The following TDRD6 variants were observed in gnomAD, a reference collection of about 807,000 sequenced individuals.
The protein encoded by TDRD6 is tudor domain containing 6.
TDRD6 carries 186 observed loss-of-function variants against 157.5 expected under a neutral mutation model. That is an observed-to-expected ratio of 1.18 (90% CI 1.05 to 1.33). TDRD6 has a LOEUF of 1.33. TDRD6 is among the 40% of genes most tolerant of loss of function. TDRD6 has a pLI of 0.00. For synonymous variants in TDRD6, 1,075 were observed against 945.2 expected (o/e 1.14, Z -2.52); for missense variants, 3,066 against 2,508.0 (o/e 1.22, Z -4.75).
In TDRD6 at chr6:46,698,057, C is replaced by A; in HGVS notation, c.6231C>A (p.Gly2077=). The A allele has an allele frequency of 6.2e-7, 1 of 1,610,116 alleles. No individual in the cohort carries two copies. Among genetic ancestry groups the A allele is most frequent in the Non-Finnish European group, 8.5e-7 (1 of 1,177,350 alleles). The change falls in exon 3 of 4, where the codon GGC becomes GGA. Residue 2077 remains glycine (G), a synonymous_variant. Transcript: ENST00000316081. ...TGAACCCTGAGAATGTCTGGAATGG[C>A]ATACCCAAATTGGATAAGAGTCCAC... ...EIVNPENVWN[G]IPKLDKSPPE...
Position 46,693,871 on chromosome 6 carries a change from C to T in TDRD6, c.5743C>T (p.Pro1915Ser). 1 of 1,614,200 alleles carries T rather than the reference C, an allele frequency of 6.2e-7. No homozygotes were observed. Among genetic ancestry groups the T allele is most frequent in the Non-Finnish European group, 8.5e-7 (1 of 1,180,032 alleles). Reference protein sequence around the residue: ...PELELPTAQLPLDDKMDPLSL... With the variant: ...PELELPTAQLSLDDKMDPLSL... ...ACTAGAACTACCTACAGCCCAGCTG[C>T]CTTTAGATGACAAGATGGATCCTTT... Residue 1915 changes from proline to serine, a missense_variant, in exon 1 of 4, where the codon CCT (proline) becomes TCT (serine). Physicochemically the swap from Pro to Ser is moderately conservative, Grantham distance 74. Transcript: ENST00000316081.
rs772857539 is a variant in TDRD6, at chr6:46,691,522, G to A, written c.3394G>A (p.Asp1132Asn). Residue 1132 changes from aspartate to asparagine, a missense_variant, in exon 1 of 4, where the codon GAT (aspartate) becomes AAT (asparagine). Transcript: ENST00000316081. Reference protein sequence around the residue: ...KSLKALVVAKDPDGTLIIELY... With the variant: ...KSLKALVVAKNPDGTLIIELY... ...ATTGAAGGCTTTAGTTGTAGCAAAA[G>A]ATCCAGATGGAACACTGATTATAGA... is the stretch of plus-strand genomic sequence containing the variant. The A allele has an allele frequency of 5.6e-6, 9 of 1,613,898 alleles. No homozygotes were observed. The South Asian group carries it at 8.8e-5, about 16-fold the overall frequency.
intron 2 of TDRD6, among the ~76,000 whole-genome samples, chr6:46,696,611 T>A (rs1462619693): frequency 4.6e-5 from 3 of 65,560 alleles, no homozygotes; most frequent in Non-Finnish European, 8.8e-5. Context: ...ATTTTTTTTT[T>A]TTTTTTTTTT....
chr6:46,682,925 A>T (rs906166588), upstream of TDRD6, among the ~76,000 whole-genome samples: 1 of 152,060 alleles, frequency 6.6e-6, no homozygotes, highest in East Asian at 1.9e-4. Context: ...CTACAAAGCA[A>T]TTCTAATAAA....
Position 46,688,888 on chromosome 6 carries a change from G to T in TDRD6, c.760G>T (p.Val254Leu), listed in dbSNP as rs772236177. ...GCTGCAGCTGGGCGTGACGGAGGCC[G>T]TGGTCATAACCCAAGTGTGCCATCC... The part of the protein sequence containing the change: ...PQLQLGVTEA[V>L]VITQVCHPHR... Residue 254 changes from valine (V) to leucine (L), a missense_variant, in exon 1 of 4, where the codon GTG becomes TTG. Coordinates refer to ENST00000316081, the MANE Select transcript of TDRD6 (RefSeq NM_001010870.3). 3 of 1,605,996 alleles carry T rather than the reference G, an allele frequency of 1.9e-6. No individual in the cohort carries two copies. The highest frequency in any genetic ancestry group is 2.6e-6 in the Non-Finnish European group (3 of 1,174,654).
In TDRD6 at chr6:46,687,905, G is replaced by C. The variant is rs544918982; in HGVS notation, c.-224G>C. The C allele has an allele frequency of 1.8e-5, 11 of 595,498 alleles. No individual in the cohort carries two copies. The highest frequency in any genetic ancestry group is 9.5e-4 in the Middle Eastern group (2 of 2,104). 36.9% of individuals were successfully genotyped at this position (595,498 alleles called of 1,614,324 possible). On this transcript the variant is annotated 5_prime_UTR_variant, in exon 1 of 4. Coordinates refer to ENST00000316081, the MANE Select transcript of TDRD6 (RefSeq NM_001010870.3). ...AATGCGTGCCCGGAAGCGCGACCTC[G>C]GGCGGTTGGAGGGGCTACCGGGTCT...
chr6:46,701,845 CTTT>C lies in TDRD6; in HGVS notation c.6262-10_6262-8del. On this transcript the variant is annotated splice_polypyrimidine_tract_variant and intron_variant, in intron 3 of 3. Coordinates refer to ENST00000316081, the MANE Select transcript of TDRD6 (RefSeq NM_001010870.3). ...TTCTTTCTCAGTTTGAAGTTTTTCT[CTTT>C]TTGTTTCAGAAAAGGGGTTTGGAGG... The C allele has an allele frequency of 1.2e-6, 2 of 1,612,280 alleles. No homozygotes were observed. Among genetic ancestry groups the C allele is most frequent in the Non-Finnish European group, 1.7e-6 (2 of 1,178,784 alleles).
At chr6:46,681,706 A>T in the TDRD6 span, 3 of 398,998 alleles carry the variant, frequency 7.5e-6, no homozygotes, top group Non-Finnish European at 1.6e-5. Flanking sequence ...ATTGCTTGTT[A>T]TCACGGGTTT....
In TDRD6 at chr6:46,690,973, C is replaced by G. The variant is rs1272199753; in HGVS notation, c.2845C>G (p.His949Asp). The change falls in exon 1 of 4, where the codon CAT (histidine) becomes GAT (aspartate). Residue 949 changes from histidine to aspartate, a missense_variant. Coordinates refer to ENST00000316081, the MANE Select transcript of TDRD6 (RefSeq NM_001010870.3). ...DLLTPFQSACHFLVEKRLARP... is the reference protein window; with the variant it reads ...DLLTPFQSACDFLVEKRLARP... The stretch of plus-strand genomic sequence containing the variant: ...GCTAACCCCCTTTCAGAGTGCATGC[C>G]ATTTCTTGGTAGAAAAGAGACTTGC... 1 of 1,614,092 alleles carries G rather than the reference C, an allele frequency of 6.2e-7. No individual in the cohort carries two copies. Among genetic ancestry groups the G allele is most frequent in the Admixed American group, 1.7e-5 (1 of 60,012 alleles).
In TDRD6 at chr6:46,702,568, T is replaced by C. The variant is rs1365378431; in HGVS notation, c.*681T>C. Reference sequence around the variant, plus strand: ...TGTATTAGTCACTTAGCTTATACTTTAAATGCATTTTTTCACTTTATTCAT... The same window carrying C: ...TGTATTAGTCACTTAGCTTATACTTCAAATGCATTTTTTCACTTTATTCAT... On this transcript the variant is annotated 3_prime_UTR_variant, in exon 4 of 4. Transcript: ENST00000316081. The C allele has an allele frequency of 6.6e-6, 1 of 152,168 alleles. No homozygotes were observed. Among genetic ancestry groups the C allele is most frequent in the Non-Finnish European group, 1.5e-5 (1 of 68,008 alleles). 9.4% of individuals were successfully genotyped at this position (152,168 alleles called of 1,614,324 possible).
At position 46,691,875 on chromosome 6, in the gene TDRD6, A is replaced by G. The variant is rs771205127; in HGVS notation, c.3747A>G (p.Gln1249=). Residue 1249 remains glutamine, a synonymous_variant, in exon 1 of 4, where the codon CAA becomes CAG. Coordinates refer to ENST00000316081, the MANE Select transcript of TDRD6 (RefSeq NM_001010870.3). ...ACTCTGTGGGAAATAAAAATAGTCA[A>G]GTGTTTCCATTAACAACAGAAAAGA... The part of the protein sequence containing the change: ...YQDSVGNKNS[Q]VFPLTTEKKE... The G allele has an allele frequency of 3.8e-6, 6 of 1,593,938 alleles. No homozygotes were observed. Among genetic ancestry groups the G allele is most frequent in the Non-Finnish European group, 5.1e-6 (6 of 1,175,008 alleles).
Position 46,691,081 on chromosome 6 carries a change from G to A in TDRD6, c.2953G>A (p.Gly985Arg). The change falls in exon 1 of 4, where the codon GGA (glycine) becomes AGA (arginine). Residue 985 changes from glycine to arginine, a missense_variant. Transcript: ENST00000316081. ...YFYSTHDMKIGSEELVYITHI... is the reference protein window; with the variant it reads ...YFYSTHDMKIRSEELVYITHI... ...CTATTCTACACATGATATGAAAATT[G>A]GAAGTGAAGAATTAGTTTATATAAC... 1 of 1,613,784 alleles carries A rather than the reference G, an allele frequency of 6.2e-7. No homozygotes were observed. Among genetic ancestry groups the A allele is most frequent in the Non-Finnish European group, 8.5e-7 (1 of 1,179,874 alleles).
Position 46,697,636 on chromosome 6 carries a change from C to T in TDRD6, c.6172-362C>T, listed in dbSNP as rs556926845. On this transcript the variant is annotated intron_variant, in intron 2 of 3. Coordinates refer to ENST00000316081, the MANE Select transcript of TDRD6 (RefSeq NM_001010870.3). The stretch of plus-strand genomic sequence containing the variant: ...GTGCAGTGGCTTATGCCTGTAATCC[C>T]AGCACTTTGGGAGGCCAAGGCAGGT... Among the ~76,000 whole-genome samples the T allele has an allele frequency of 5.3e-5, 8 of 151,746 alleles. No individual in the cohort carries two copies. The South Asian group carries it at 1.7e-3, about 32-fold the overall frequency.
In TDRD6 at chr6:46,689,870, A is replaced by C. The variant is rs748479675; in HGVS notation, c.1742A>C (p.Tyr581Ser). Residue 581 changes from tyrosine to serine, a missense_variant, in exon 1 of 4, where the codon TAT becomes TCT. By Grantham distance (144) the Tyr-to-Ser change is moderately radical (BLOSUM62 -2). Coordinates refer to ENST00000316081, the MANE Select transcript of TDRD6 (RefSeq NM_001010870.3). Reference sequence around the variant, plus strand: ...GGCAATTCGGAAAATGTGGACTGGTATGACGTAAGGATGCTGCTTCCTCAG... The same window carrying C: ...GGCAATTCGGAAAATGTGGACTGGTCTGACGTAAGGATGCTGCTTCCTCAG... ...DRGNSENVDW[Y>S]DVRMLLPQFR... 2.5e-6 allele frequency: 4 copies of C among 1,614,088 alleles called. No homozygotes were observed. Among genetic ancestry groups the C allele is most frequent in the Non-Finnish European group, 3.4e-6 (4 of 1,180,052 alleles).
Position 46,689,921 on chromosome 6 carries a change from T to C in TDRD6, c.1793T>C (p.Val598Ala). The C allele has an allele frequency of 1.2e-6, 2 of 1,614,182 alleles. No homozygotes were observed. Among genetic ancestry groups the C allele is most frequent in the Non-Finnish European group, 1.7e-6 (2 of 1,180,030 alleles). The part of the protein sequence containing the change: ...PQFRQLPILA[V>A]KCTLADIWPL... ...TTTAGGCAGCTACCAATATTGGCTG[T>C]GAAGTGCACCCTGGCTGATATTTGG... Residue 598 changes from valine to alanine, a missense_variant, in exon 1 of 4, where the codon GTG becomes GCG. Physicochemically the swap from Val to Ala is moderately conservative, Grantham distance 64. Coordinates refer to ENST00000316081, the MANE Select transcript of TDRD6 (RefSeq NM_001010870.3).
In TDRD6 at chr6:46,689,072, C is replaced by T. The variant is rs988946132; in HGVS notation, c.944C>T (p.Ser315Phe). ...GAGGAGAGCCCAGATAAGCCGGGCT[C>T]TCCGTGTGCATCCTGTGGCCTGGAT... ...EREESPDKPG[S>F]PCASCGLDGH... The change falls in exon 1 of 4, where the codon TCT becomes TTT. Residue 315 changes from serine to phenylalanine, a missense_variant. Ser to Phe is a radical substitution (Grantham distance 155). Coordinates refer to ENST00000316081, the MANE Select transcript of TDRD6 (RefSeq NM_001010870.3). 5 of 1,614,046 alleles carry T rather than the reference C, an allele frequency of 3.1e-6. No homozygotes were observed. The highest frequency in any genetic ancestry group is 4.2e-6 in the Non-Finnish European group (5 of 1,180,030).
chr6:46,698,271 A>T (rs1764544105), intron 3 of TDRD6, among the ~76,000 whole-genome samples, 184 bp downstream of exon 3: 1 of 152,186 alleles, frequency 6.6e-6, no homozygotes, highest in African/African-American at 2.4e-5. Context: ...CTTCTGAGAA[A>T]ACTAGTTATT....
Position 46,693,417 on chromosome 6 carries a change from C to T in TDRD6, c.5289C>T (p.Thr1763=). The T allele has an allele frequency of 6.2e-7, 1 of 1,613,998 alleles. No individual in the cohort carries two copies. The highest frequency in any genetic ancestry group is 2.2e-5 in the East Asian group (1 of 44,866). The change falls in exon 1 of 4, where the codon ACC becomes ACT. Residue 1763 remains threonine, a synonymous_variant. Coordinates refer to ENST00000316081, the MANE Select transcript of TDRD6 (RefSeq NM_001010870.3). The part of the protein sequence containing the change: ...ITEKDVNIIG[T]KPSNFRDPKT... ...AAAAAGATGTAAACATTATTGGAAC[C>T]AAACCAAGTAACTTCCGTGACCCTA...
At position 46,688,944 on chromosome 6, in the gene TDRD6, C is replaced by T. The variant is rs755885696; in HGVS notation, c.816C>T (p.Val272=). The T allele has an allele frequency of 6.2e-7, 1 of 1,612,114 alleles. No homozygotes were observed. Among genetic ancestry groups the T allele is most frequent in the South Asian group, 1.1e-5 (1 of 90,888 alleles). Residue 272 remains valine (V), a synonymous_variant, in exon 1 of 4, where the codon GTC becomes GTT. Coordinates refer to ENST00000316081, the MANE Select transcript of TDRD6 (RefSeq NM_001010870.3). ...GCATTCACTGCCAGCTCCGCAGCGT[C>T]TCGCAGGAGATCCACCGCCTCTCCG... is the stretch of plus-strand genomic sequence containing the variant. ...PHRIHCQLRS[V]SQEIHRLSES...
Sources: allele counts gnomAD v4.1 joint callset (sites outside exome capture counted in the v4.1 genomes callset), GRCh38; gene constraint gnomAD v4.1.1; transcripts MANE v1.5; gene names NCBI Gene and HGNC (gene_info 2026-07-23, HGNC 2026-07-21).